The following ROBO2 variants were observed in gnomAD, a reference collection of about 807,000 sequenced individuals.
ROBO2 encodes the protein roundabout homolog 2.
Under a neutral mutation model 160.8 loss-of-function variants are expected in ROBO2, and 53 were observed. The observed-to-expected ratio is 0.33, with a 90% CI of 0.26 to 0.41. ROBO2 has a LOEUF of 0.41. ROBO2 is among the 10% of genes least tolerant of loss of function. ROBO2 has a pLI of 1.00. For synonymous variants in ROBO2, 664 were observed against 611.7 expected, an observed-to-expected ratio of 1.09 and a Z score of -1.26; for missense variants, 1,577 against 1,722.4, an observed-to-expected ratio of 0.92 and a Z score of 1.49.
chr3:76,448,918 C>A (rs772073599), intron 2 of ROBO2, among the ~76,000 whole-genome samples: 6 of 152,094 alleles, frequency 3.9e-5, no homozygotes, highest in Non-Finnish European at 8.8e-5. Flanking sequence ...TCATTATGAA[C>A]AAGCTGGACC....
intron 2 of ROBO2, among the ~76,000 whole-genome samples, chr3:77,477,045 G>A (rs934593982): frequency 1.3e-5 from 2 of 151,356 alleles, no homozygotes; most frequent in African/African-American, 2.4e-5. Context: ...ATATATATGC[G>A]TGCACACACA....
At chr3:76,099,016 G>A (rs1437802747) in intron 2 of ROBO2, among the ~76,000 whole-genome samples, 3 of 152,122 alleles carry the variant, frequency 2.0e-5, no homozygotes, top group African/African-American at 7.2e-5. Context: ...AATCAATATA[G>A]CTAGGTGACA....
At chr3:76,525,439 G>C (rs2081898271) in intron 2 of ROBO2, among the ~76,000 whole-genome samples, 1 of 151,904 alleles carries the variant, frequency 6.6e-6, no homozygotes, top group East Asian at 1.9e-4. Flanking sequence ...TTTAAAAGTG[G>C]GTTACCTTAG....
intron 2 of ROBO2, among the ~76,000 whole-genome samples, chr3:76,528,832 C>A (rs1275808143): frequency 6.6e-6 from 1 of 152,012 alleles, no homozygotes; most frequent in African/African-American, 2.4e-5. Context: ...TGAGAAGAAA[C>A]AACTGGAGAT....
intron 2 of ROBO2, among the ~76,000 whole-genome samples, chr3:76,969,017 T>G (rs2059442334): frequency 6.6e-6 from 1 of 152,186 alleles, no homozygotes; most frequent in Non-Finnish European, 1.5e-5. Flanking sequence ...CTAGGTAATG[T>G]GTGTCTTGAT....
chr3:77,075,119 G>A (rs977590199), intron 1 of ROBO2, among the ~76,000 whole-genome samples: 5 of 152,028 alleles, frequency 3.3e-5, no homozygotes, highest in Admixed American at 6.6e-5. Context: ...TACATAAAAC[G>A]CATCTCTTTA....
chr3:76,649,343 C>T (rs1022885755), intron 2 of ROBO2, among the ~76,000 whole-genome samples: 6 of 152,170 alleles, frequency 3.9e-5, no homozygotes, highest in East Asian at 3.9e-4. Flanking sequence ...GCTACTCCAG[C>T]GATTTCAGAA....
At chr3:77,091,172 C>T (rs1350602394) in intron 1 of ROBO2, among the ~76,000 whole-genome samples, 1 of 152,148 alleles carries the variant, frequency 6.6e-6, no homozygotes, top group Admixed American at 6.6e-5. Context: ...AAATACTATA[C>T]TCCAACTCAA....
intron 2 of ROBO2, among the ~76,000 whole-genome samples, chr3:76,556,979 T>C (rs775152733): frequency 1.8e-4 from 28 of 152,112 alleles, no homozygotes; most frequent in Non-Finnish European, 3.1e-4. Flanking sequence ...ATATTTAGAC[T>C]ACTTTTTGGA....
intron 2 of ROBO2, among the ~76,000 whole-genome samples, chr3:76,639,396 A>G (rs2090520065): frequency 6.6e-6 from 1 of 151,902 alleles, no homozygotes; most frequent in Admixed American, 6.6e-5. Context: ...GTGTAAATAT[A>G]TATACACATA....
chr3:76,636,161 T>C (rs575690951), intron 2 of ROBO2, among the ~76,000 whole-genome samples: 1 of 152,330 alleles, frequency 6.6e-6, no homozygotes, highest in East Asian at 1.9e-4. Context: ...CATTCTCTCC[T>C]ACTAAACGTT....
intron 2 of ROBO2, among the ~76,000 whole-genome samples, chr3:77,240,955 G>A (rs2088947323): frequency 6.6e-6 from 1 of 152,178 alleles, no homozygotes; most frequent in African/African-American, 2.4e-5. Flanking sequence ...ATCTACAAGT[G>A]TATTCACAAC....
At chr3:76,745,506 G>A (rs1055001355) in intron 2 of ROBO2, among the ~76,000 whole-genome samples, 22 of 152,048 alleles carry the variant, frequency 1.4e-4, no homozygotes, top group African/African-American at 5.1e-4. Flanking sequence ...AGAACAATTT[G>A]TCTGTATGCT....
At chr3:77,084,133 G>A (rs2069001132) in intron 1 of ROBO2, among the ~76,000 whole-genome samples, 1 of 151,730 alleles carries the variant, frequency 6.6e-6, no homozygotes, top group South Asian at 2.1e-4. Context: ...ATTTTTTTCT[G>A]TTATTTATAA....
chr3:76,591,166 T>C (rs1398482380), intron 2 of ROBO2, among the ~76,000 whole-genome samples: 1 of 152,102 alleles, frequency 6.6e-6, no homozygotes, highest in East Asian at 1.9e-4. Context: ...TTGTATGGTA[T>C]ATGTGTTATA....
At chr3:77,490,067 C>T (rs13064369) in intron 4 of ROBO2, among the ~76,000 whole-genome samples, 78,690 of 150,664 alleles carry the variant, frequency 0.52, 20,879 homozygotes, top group Admixed American at 0.63. Flanking sequence ...CGTCTTGTTC[C>T]GGACTTCAAT....
intron 2 of ROBO2, among the ~76,000 whole-genome samples, chr3:76,717,066 CG>C (rs1404023550): frequency 5.9e-5 from 9 of 152,186 alleles, no homozygotes; most frequent in East Asian, 1.9e-4. Flanking sequence ...TGATATCTGG[CG>C]TAAGTTTTGT....
intron 12 of ROBO2, 93 bp from the exon 14 acceptor site, chr3:77,568,220 A>T (rs1408588129): frequency 4.9e-6 from 7 of 1,431,624 alleles, no homozygotes; most frequent in Non-Finnish European, 6.7e-6. Flanking sequence ...CCCTGTAATT[A>T]GTTCTAAAGA....
chr3:77,132,153 G>A (rs572824331), intron 2 of ROBO2, among the ~76,000 whole-genome samples: 1 of 152,060 alleles, frequency 6.6e-6, no homozygotes, highest in East Asian at 1.9e-4. Flanking sequence ...CCCACAAAAT[G>A]CATATGATTT....
Sources: gnomAD v4.1 joint callset for allele counts (sites outside exome capture counted in the v4.1 genomes callset) on GRCh38, gnomAD v4.1.1 for gene constraint, MANE v1.5 for transcripts, NCBI Gene and HGNC (gene_info 2026-07-23, HGNC 2026-07-21) for gene names.